APOOL: variants seen among roughly 807,000 people sequenced by gnomAD.
APOOL encodes the protein MICOS complex subunit MIC27.
Under a neutral mutation model 23.1 loss-of-function variants are expected in APOOL, and 12 were observed. The ratio of observed to expected loss-of-function variants is 0.52; its 90% CI spans 0.33 to 0.84. The LOEUF is 0.84. Ranked by LOEUF, APOOL falls within the 40% of genes least tolerant of loss-of-function variation. The pLI, the probability that APOOL is intolerant of heterozygous loss-of-function variation, is 0.02. For synonymous variants in APOOL, 77 were observed against 69.9 expected, an observed-to-expected ratio of 1.10 and a Z score of -0.51; for missense variants, 212 against 199.6, an observed-to-expected ratio of 1.06 and a Z score of -0.37.
chrX:85,052,798 C>T (rs1602768458), intron 3 of APOOL, among the ~76,000 whole-genome samples: 1 of 111,260 alleles, frequency 9.0e-6, no homozygotes, highest in East Asian at 2.9e-4. Flanking sequence ...GTGCCAATAG[C>T]TAGATGATTC....
chrX:85,031,755 C>T (rs1251843364), intron 1 of APOOL, among the ~76,000 whole-genome samples: 1 of 111,796 alleles, frequency 8.9e-6, no homozygotes, highest in African/African-American at 3.3e-5. Context: ...ATTAATTTGG[C>T]TAGGGCCAGA....
At chrX:85,058,040 T>A (rs557302316) in intron 5 of APOOL, among the ~76,000 whole-genome samples, 1 of 111,230 alleles carries the variant, frequency 9.0e-6, no homozygotes, top group Non-Finnish European at 1.9e-5. Flanking sequence ...ATAAATATAA[T>A]GAATCTCAGG....
intron 1 of APOOL, among the ~76,000 whole-genome samples, chrX:85,014,527 G>A (rs1486738969): frequency 1.0e-5 from 1 of 98,059 alleles, no homozygotes; most frequent in East Asian, 3.3e-4. Context: ...CAAATTCTCA[G>A]CATTTTTTTT....
At chrX:85,030,287 T>G (rs1921992346) in intron 1 of APOOL, among the ~76,000 whole-genome samples, 1 of 110,866 alleles carries the variant, frequency 9.0e-6, no homozygotes, top group Non-Finnish European at 1.9e-5. Flanking sequence ...TTCTCACTTA[T>G]AAGTAGGAGC....
intron 1 of APOOL, among the ~76,000 whole-genome samples, chrX:85,027,931 C>T: frequency 8.9e-6 from 1 of 111,938 alleles, no homozygotes; most frequent in Non-Finnish European, 1.9e-5. Flanking sequence ...TGGGCTGTTG[C>T]AAATAAAGCT....
intron 3 of APOOL, 25 bp from the exon 4 acceptor site, chrX:85,054,319 C>G (rs752844028): frequency 3.5e-4 from 409 of 1,167,061 alleles, no homozygotes; most frequent in Non-Finnish European, 4.5e-4. Context: ...ATGCAGATGT[C>G]TTCCCCCCCT....
intron 6 of APOOL, among the ~76,000 whole-genome samples, chrX:85,069,877 A>G (rs1251674735): frequency 1.8e-5 from 2 of 111,417 alleles, no homozygotes; most frequent in South Asian, 7.5e-4. Context: ...CTCTAATTTC[A>G]TAGCAGTTAT....
chrX:85,039,701 T>C (rs1922345235), intron 1 of APOOL, among the ~76,000 whole-genome samples: 1 of 111,846 alleles, frequency 8.9e-6, no homozygotes, highest in South Asian at 3.7e-4. Context: ...GTCTTTTTTG[T>C]GTGAAATTAG....
chrX:85,042,490 A>G (rs1922432763), intron 1 of APOOL, among the ~76,000 whole-genome samples: 1 of 112,220 alleles, frequency 8.9e-6, no homozygotes, highest in Non-Finnish European at 1.9e-5. Flanking sequence ...CTGGGACTTG[A>G]TGGCTTCACT....
At chrX:85,083,059 C>A (rs765838955) in intron 8 of APOOL, among the ~76,000 whole-genome samples, 3 of 110,950 alleles carry the variant, frequency 2.7e-5, no homozygotes, top group Non-Finnish European at 5.7e-5. Flanking sequence ...CAGCCCAGAC[C>A]CAGCTCAATG....
chrX:85,087,813 A>G lies in APOOL; in HGVS notation c.*135A>G. 2 of 487,682 alleles carry G rather than the reference A, an allele frequency of 4.1e-6. No individual in the cohort carries two copies. The highest frequency in any genetic ancestry group is 6.5e-6 in the Non-Finnish European group (2 of 307,916). 40.2% of individuals were successfully genotyped at this position (487,682 alleles called of 1,213,427 possible). On this transcript the variant is annotated 3_prime_UTR_variant, in exon 9 of 9. Transcript: ENST00000373173. ...ACCAAGTTTCTCCCTTACATTTCCA[A>G]ATATGCCATTTGATAAATTACATAA...
In APOOL at chrX:85,020,541, C is replaced by T. The variant is rs747172630; in HGVS notation, c.15+16614C>T. Among the ~76,000 whole-genome samples the T allele has an allele frequency of 5.4e-5, 6 of 111,620 alleles. No homozygotes were observed. In the South Asian group the frequency reaches 1.9e-3, roughly 36 times the overall value. On this transcript the variant is annotated intron_variant, in intron 1 of 8. Transcript: ENST00000373173. ...AAGCCTCTAAGCCCACCTGTTCTAG[C>T]ACCAGGCTGCATCCCACAGACCCGG...
Position 85,093,036 on chromosome X carries a change from T to A in APOOL, c.*5358T>A, listed in dbSNP as rs1285022654. 2.0e-6 allele frequency: 1 copy of A among 512,174 alleles called. No homozygotes were observed. Among genetic ancestry groups the A allele is most frequent in the African/African-American group, 2.4e-5 (1 of 42,040 alleles). The allele number at this position is 512,174 out of a possible 1,213,427, so 42.2% of individuals were successfully genotyped here. A position where few individuals can be genotyped will look rare whatever the true frequency, so the allele number is the denominator to read the frequency against. On this transcript the variant is annotated 3_prime_UTR_variant, in exon 9 of 9. Coordinates refer to ENST00000373173, the MANE Select transcript of APOOL (RefSeq NM_198450.6). ...CATATACTGTATATGATCATCTGAT[T>A]TGAAAATCCAGTTTAATTTGGGTAG...
chrX:85,011,100 T>C (rs1049679485), intron 1 of APOOL, among the ~76,000 whole-genome samples: 3 of 112,003 alleles, frequency 2.7e-5, no homozygotes, highest in African/African-American at 9.7e-5. Flanking sequence ...TAATTAGTGA[T>C]GTTAAGCATT....
chrX:85,055,508 C>T (rs754100448), intron 4 of APOOL, among the ~76,000 whole-genome samples: 73 of 111,712 alleles, frequency 6.5e-4, no homozygotes, highest in Non-Finnish European at 7.7e-4. Context: ...ATAATACATA[C>T]GCAGTCAGAA....
chrX:85,009,366 A>C (rs1321164384), intron 1 of APOOL, among the ~76,000 whole-genome samples: 1 of 112,057 alleles, frequency 8.9e-6, no homozygotes, highest in Non-Finnish European at 1.9e-5. Flanking sequence ...GTATGATATT[A>C]GTTGTGGCCT....
chrX:85,051,254 T>G, intron 2 of APOOL, 135 bp from the exon 3 acceptor site: 3 of 721,224 alleles, frequency 4.2e-6, no homozygotes, highest in Non-Finnish European at 5.9e-6. Flanking sequence ...TTTAAGATGG[T>G]TTTTTAAAAG....
chrX:85,042,896 T>TA (rs1262274757), intron 1 of APOOL, among the ~76,000 whole-genome samples: 3 of 112,186 alleles, frequency 2.7e-5, no homozygotes, highest in East Asian at 2.8e-4. Context: ...CAGTTCATGA[T>TA]AAAAAACCTT....
In APOOL at chrX:85,089,413, T is replaced by G. The variant is rs1034429751; in HGVS notation, c.*1735T>G. 1 of 112,195 alleles carries G rather than the reference T, an allele frequency of 8.9e-6. No homozygotes were observed. The highest frequency in any genetic ancestry group is 1.9e-5 in the Non-Finnish European group (1 of 53,253). 9.2% of individuals were successfully genotyped at this position (112,195 alleles called of 1,213,427 possible). On this transcript the variant is annotated 3_prime_UTR_variant, in exon 9 of 9. Transcript: ENST00000373173. ...CCACCGCACCCAGCCCCTACTTGAA[T>G]TTTTATGTCATTATTGACTCTTCAC...
Sources: allele counts gnomAD v4.1 joint callset (sites outside exome capture counted in the v4.1 genomes callset), GRCh38; gene constraint gnomAD v4.1.1; transcripts MANE v1.5; gene names NCBI Gene and HGNC (gene_info 2026-07-23, HGNC 2026-07-21).